The following NAALADL2 variants were observed in gnomAD, a reference collection of about 807,000 sequenced individuals.
The protein encoded by NAALADL2 is N-acetylated alpha-linked acidic dipeptidase like 2, also known as inactive N-acetylated-alpha-linked acidic dipeptidase-like protein 2.
NAALADL2 carries 76 observed loss-of-function variants against 87.2 expected under a neutral mutation model. That is an observed-to-expected ratio of 0.87 (90% CI 0.72 to 1.05). The LOEUF (loss-of-function observed/expected upper bound fraction) is 1.05, where lower values mean the gene tolerates loss of function less well. NAALADL2 is among the 50% of genes least tolerant of loss of function. The pLI is 0.00. For synonymous variants in NAALADL2, 354 were observed against 331.0 expected (o/e 1.07, Z -0.75); for missense variants, 1,089 against 945.8 (o/e 1.15, Z -1.99).
intron 2 of NAALADL2, among the ~76,000 whole-genome samples, chr3:174,552,230 G>A (rs1712211180): frequency 6.6e-6 from 1 of 152,070 alleles, no homozygotes; most frequent in African/African-American, 2.4e-5. Flanking sequence ...GCTCAGAGAA[G>A]GATCTTATTA....
At chr3:175,363,748 G>T (rs1006805140) in intron 5 of NAALADL2, among the ~76,000 whole-genome samples, 2 of 147,786 alleles carry the variant, frequency 1.4e-5, no homozygotes, top group African/African-American at 4.9e-5. Context: ...CAGCATTAAT[G>T]AACTGGAAAA....
intron 1 of NAALADL2, among the ~76,000 whole-genome samples, chr3:174,894,090 TAAG>T (rs1208911210): frequency 6.6e-6 from 1 of 151,956 alleles, no homozygotes; most frequent in African/African-American, 2.4e-5. Flanking sequence ...ACAAAAACTA[TAAG>T]AAGAGGGAAA....
intron 9 of NAALADL2, among the ~76,000 whole-genome samples, chr3:175,475,822 A>G (rs1383414318): frequency 6.6e-6 from 1 of 152,152 alleles, no homozygotes; most frequent in Admixed American, 6.6e-5. Flanking sequence ...AGCTAAAGCA[A>G]TCCAACACCC....
intron 2 of NAALADL2, among the ~76,000 whole-genome samples, chr3:174,587,072 G>C (rs1716807019): frequency 6.6e-6 from 1 of 151,404 alleles, no homozygotes; most frequent in Non-Finnish European, 1.5e-5. Flanking sequence ...CTATGAGTGA[G>C]GACATGCGGA....
intron 1 of NAALADL2, among the ~76,000 whole-genome samples, chr3:174,486,940 TGCCCAACTTTTG>T (rs1465262414): frequency 6.6e-6 from 1 of 152,006 alleles, no homozygotes; most frequent in Admixed American, 6.6e-5. Flanking sequence ...CACCTTCTTA[TGCCCAACTTTTG>T]GCCATAGTCA....
chr3:174,524,746 C>T (rs941858028), intron 1 of NAALADL2, among the ~76,000 whole-genome samples: 3 of 151,610 alleles, frequency 2.0e-5, no homozygotes, highest in Admixed American at 1.3e-4. Context: ...AAACATTTGT[C>T]GAGGTTGGGT....
At chr3:174,829,051 A>G (rs1181500152) in intron 3 of NAALADL2, among the ~76,000 whole-genome samples, 2 of 152,120 alleles carry the variant, frequency 1.3e-5, no homozygotes, top group South Asian at 4.1e-4. Context: ...ATATTGAACT[A>G]TTATCTCAAT....
rs560518033 is a variant in NAALADL2 at position 174,745,021 on chromosome 3, C to T, written c.-9+7275C>T. 4.6e-5 allele frequency among the ~76,000 whole-genome samples: 7 copies of T among 152,108 alleles called. No individual in the cohort carries two copies. The East Asian group carries it at 1.4e-3, about 29-fold the overall frequency. Reference sequence around the variant, plus strand: ...GAAAGATCTCAAATCGCCATCCTAACATCACAACTAAAAGAACTAGAGAAT... The same window carrying T: ...GAAAGATCTCAAATCGCCATCCTAATATCACAACTAAAAGAACTAGAGAAT... On this transcript the variant is annotated intron_variant, in intron 3 of 3. Coordinates refer to the NAALADL2 transcript ENST00000434257.
At chr3:175,728,453 G>C (rs1743228558) in intron 11 of NAALADL2, among the ~76,000 whole-genome samples, 1 of 152,098 alleles carries the variant, frequency 6.6e-6, no homozygotes, top group South Asian at 2.1e-4. Context: ...TCTCCTCTAT[G>C]GATACTGCAG....
intron 2 of NAALADL2, among the ~76,000 whole-genome samples, chr3:174,663,163 A>G (rs1578467156): frequency 6.6e-6 from 1 of 152,166 alleles, no homozygotes; most frequent in Non-Finnish European, 1.5e-5. Context: ...AAATATTTAT[A>G]TAAATATACT....
chr3:175,458,325 T>C (rs1180216992), intron 6 of NAALADL2, among the ~76,000 whole-genome samples: 2 of 151,572 alleles, frequency 1.3e-5, no homozygotes, highest in African/African-American at 4.8e-5. Context: ...TAAAAATATA[T>C]CTATACACTC....
intron 3 of NAALADL2, among the ~76,000 whole-genome samples, chr3:175,248,227 C>T (rs909362367): frequency 2.0e-5 from 3 of 152,158 alleles, no homozygotes; most frequent in East Asian, 1.9e-4. Flanking sequence ...ATGTTACTTA[C>T]CATCTCCTTG....
At chr3:175,015,570 G>T (rs183116372) in intron 1 of NAALADL2, among the ~76,000 whole-genome samples, 1 of 152,010 alleles carries the variant, frequency 6.6e-6, no homozygotes, top group Non-Finnish European at 1.5e-5. Flanking sequence ...ACTAAGAAAC[G>T]TCTTTGCCTT....
intron 3 of NAALADL2, among the ~76,000 whole-genome samples, chr3:174,797,305 C>CTTTTTCTTTTTTTTTTTTTTTTTTTTT (rs1718237636): frequency 1.4e-5 from 1 of 72,720 alleles, no homozygotes; most frequent in African/African-American, 7.1e-5. Context: ...TTTCTTTTTT[C>CTTTTTCTTTTTTTTTTTTTTTTTTTTT]TTTTTTTTTT....
intron 10 of NAALADL2, among the ~76,000 whole-genome samples, chr3:175,597,041 T>C (rs1420483946): frequency 6.6e-6 from 1 of 152,030 alleles, no homozygotes; most frequent in Non-Finnish European, 1.5e-5. Flanking sequence ...CAGTTTGAGA[T>C]TGTATCCTCT....
chr3:175,444,677 G>T (rs1330259584), intron 5 of NAALADL2, among the ~76,000 whole-genome samples: 1 of 152,064 alleles, frequency 6.6e-6, no homozygotes, highest in East Asian at 1.9e-4. Context: ...TTCACTGTGG[G>T]TCCTGCAAAT....
chr3:174,605,769 C>A (rs1184616234), intron 2 of NAALADL2, among the ~76,000 whole-genome samples: 2 of 152,164 alleles, frequency 1.3e-5, no homozygotes, highest in Non-Finnish European at 2.9e-5. Context: ...ACAGCAGTAA[C>A]CTCTGCAGAC....
chr3:175,472,354 A>T (rs1440674567), intron 9 of NAALADL2, among the ~76,000 whole-genome samples: 1 of 152,164 alleles, frequency 6.6e-6, no homozygotes, highest in East Asian at 1.9e-4. Flanking sequence ...CTAATTTAAA[A>T]AATTTAGCAG....
At chr3:174,756,611 A>T (rs1712113027) in intron 3 of NAALADL2, among the ~76,000 whole-genome samples, 1 of 152,258 alleles carries the variant, frequency 6.6e-6, no homozygotes, top group African/African-American at 2.4e-5. Context: ...TTGCCTAAAT[A>T]TATGCAGCCT....
Sources: allele counts gnomAD v4.1 joint callset (sites outside exome capture counted in the v4.1 genomes callset), GRCh38; gene constraint gnomAD v4.1.1; transcripts MANE v1.5; gene names NCBI Gene and HGNC (gene_info 2026-07-23, HGNC 2026-07-21).